Variants in SLCO6A1 observed in about 807,000 individuals in gnomAD.
The protein encoded by SLCO6A1 is solute carrier organic anion transporter family member 6A1.
In SLCO6A1, 65 loss-of-function variants were observed where a neutral mutation model predicts 72.7. The observed-to-expected ratio is 0.89, with a 90% CI of 0.73 to 1.10. SLCO6A1 has a LOEUF of 1.10. Ranked by LOEUF, SLCO6A1 falls within the 50% of genes least tolerant of loss-of-function variation. The pLI is 0.00. For missense variants in SLCO6A1, 874 were observed against 872.6 expected (o/e 1.00, Z -0.02); for synonymous variants, 314 against 298.2 (o/e 1.05, Z -0.55).
At chr5:102,434,211 A>G (rs1199428385) in intron 7 of SLCO6A1, among the ~76,000 whole-genome samples, 1 of 152,084 alleles carries the variant, frequency 6.6e-6, no homozygotes, top group Non-Finnish European at 1.5e-5. Context: ...AGCCTTGAAT[A>G]ATAAGGATAG....
chr5:102,414,556 A>G (rs1335735249), intron 8 of SLCO6A1, among the ~76,000 whole-genome samples: 1 of 152,216 alleles, frequency 6.6e-6, no homozygotes, highest in East Asian at 1.9e-4. Context: ...GAAAATTAAC[A>G]TACAAAATTA....
intron 4 of SLCO6A1, among the ~76,000 whole-genome samples, chr5:102,463,210 A>G (rs1751132258): frequency 6.6e-6 from 1 of 152,224 alleles, no homozygotes; most frequent in Admixed American, 6.5e-5. Flanking sequence ...AGTTAAAACC[A>G]CAATGAGATA....
chr5:102,488,314 G>C (rs769253079), intron 1 of SLCO6A1, among the ~76,000 whole-genome samples: 3 of 152,096 alleles, frequency 2.0e-5, no homozygotes, highest in Non-Finnish European at 4.4e-5. Flanking sequence ...TATCAGGTGA[G>C]CAAAAATCAG....
rs565070094 is a variant in SLCO6A1, at chr5:102,459,978, T to C, written c.900-201A>G. On this transcript the variant is annotated intron_variant, in intron 4 of 13. Transcript: ENST00000506729. ...TTGTGAGTCCCCAATTATGTGCTTG[T>C]TTTGTCTTACAGGATTCTAATATTT... Among the ~76,000 whole-genome samples, 7 of 152,302 alleles carry C rather than the reference T, an allele frequency of 4.6e-5. No homozygotes were observed. The East Asian group carries it at 1.4e-3, about 29-fold the overall frequency.
rs969407280 is a variant in SLCO6A1 at position 102,425,817 on chromosome 5, C to T, written c.1277-5796G>A. On this transcript the variant is annotated intron_variant, in intron 7 of 13. Transcript: ENST00000506729. The stretch of plus-strand genomic sequence containing the variant: ...AAAGAGCCCATACAGCCAAGACAAT[C>T]CTAAGCCAAATGAACAAAGCTGGAA... Among the ~76,000 whole-genome samples the T allele has an allele frequency of 2.7e-4, 30 of 109,880 alleles. 1 individual carries two copies. In the Middle Eastern group the frequency reaches 0.018, roughly 67 times the overall value. 72.1% of individuals were successfully genotyped at this position (109,880 alleles called of 152,430 possible).
At chr5:102,472,640 T>C (rs1217217826) in intron 4 of SLCO6A1, among the ~76,000 whole-genome samples, 1 of 151,892 alleles carries the variant, frequency 6.6e-6, no homozygotes, top group African/African-American at 2.4e-5. Context: ...AGAAATACTG[T>C]AAATGAAATA....
intron 1 of SLCO6A1, among the ~76,000 whole-genome samples, chr5:102,487,890 C>T (rs1752511748): frequency 6.6e-6 from 1 of 152,194 alleles, no homozygotes; most frequent in African/African-American, 2.4e-5. Flanking sequence ...TTGTGTTCAG[C>T]ACACAAATTT....
Position 102,487,763 on chromosome 5 carries a change from C to T in SLCO6A1, c.359-7329G>A, listed in dbSNP as rs571131930. Among the ~76,000 whole-genome samples the T allele has an allele frequency of 6.6e-5, 10 of 152,304 alleles. No homozygotes were observed. The South Asian group carries it at 2.1e-3, about 32-fold the overall frequency. ...AGATTACTTCATTTTTCAAGAAATG[C>T]ACATCACACTGTCCCTGAAAGGAAT... On this transcript the variant is annotated intron_variant, in intron 1 of 13. Transcript: ENST00000506729.
intron 4 of SLCO6A1, among the ~76,000 whole-genome samples, chr5:102,467,202 T>C (rs1751355300): frequency 6.6e-6 from 1 of 151,848 alleles, no homozygotes; most frequent in Non-Finnish European, 1.5e-5. Context: ...TATTGTGATT[T>C]TTACATATGA....
At chr5:102,397,447 C>T (rs1747149505) in intron 10 of SLCO6A1, among the ~76,000 whole-genome samples, 6 of 152,164 alleles carry the variant, frequency 3.9e-5, no homozygotes, top group Admixed American at 3.9e-4. Context: ...AGAGCTTTTA[C>T]TGCCAGCCCA....
At position 102,454,681 on chromosome 5, in the gene SLCO6A1, C is replaced by G. The variant is rs115105155; in HGVS notation, c.1131+3701G>C. ...GCTTGCTTTTTTTTTTCTTTTCTGG[C>G]AGTAAACTTAAAACAAACAAAAAAA... On this transcript the variant is annotated intron_variant, in intron 6 of 13. Coordinates refer to ENST00000506729, the MANE Select transcript of SLCO6A1 (RefSeq NM_173488.5). Among the ~76,000 whole-genome samples the G allele has an allele frequency of 8.3e-3, 1,249 of 150,218 alleles. 12 individuals carry two copies. The highest frequency in any genetic ancestry group is 0.015 in the Non-Finnish European group (1,004 of 67,642).
intron 6 of SLCO6A1, among the ~76,000 whole-genome samples, chr5:102,456,796 A>G (rs540659885): frequency 3.0e-4 from 46 of 152,250 alleles, no homozygotes; most frequent in Middle Eastern, 6.8e-3. Context: ...CATTGCCAAG[A>G]CAATCCTAAG....
At chr5:102,415,328 C>A (rs1232165574) in intron 8 of SLCO6A1, among the ~76,000 whole-genome samples, 4 of 152,150 alleles carry the variant, frequency 2.6e-5, no homozygotes, top group East Asian at 1.9e-4. Flanking sequence ...CTACAGTAAC[C>A]AAAACAGCAT....
At chr5:102,469,057 C>T (rs1251654498) in intron 4 of SLCO6A1, among the ~76,000 whole-genome samples, 1 of 152,060 alleles carries the variant, frequency 6.6e-6, no homozygotes, top group East Asian at 1.9e-4. Flanking sequence ...GTTTTGCTTA[C>T]TGTAGCCTTG....
At chr5:102,420,087 T>C (rs185481857) in intron 7 of SLCO6A1, 66 bp from the exon 8 acceptor site, 5 of 1,266,766 alleles carry the variant, frequency 3.9e-6, no homozygotes, top group East Asian at 5.3e-5. Flanking sequence ...AATACATACA[T>C]TGATACAATT....
Position 102,413,073 on chromosome 5 carries a change from A to G in SLCO6A1, c.1543T>C (p.Ser515Pro). The G allele has an allele frequency of 1.3e-6, 2 of 1,580,886 alleles. No homozygotes were observed. Among genetic ancestry groups the G allele is most frequent in the Non-Finnish European group, 1.7e-6 (2 of 1,167,896 alleles). Residue 515 changes from serine (S) to proline (P), a missense_variant, in exon 9 of 14, where the codon TCT becomes CCT. By Grantham distance (74) the Ser-to-Pro change is moderately conservative. Transcript: ENST00000506729. ...TCAATATCATCTCTTCCACATATAG[A>G]AGAATAAATTGAAGATGAGCATCTA... is the stretch of plus-strand genomic sequence containing the variant. ...KCRCSSSIYS[S>P]ICGRDDIEYF...
chr5:102,382,102 C>G (rs1246636793), intron 12 of SLCO6A1, among the ~76,000 whole-genome samples: 2 of 150,798 alleles, frequency 1.3e-5, no homozygotes, highest in Non-Finnish European at 1.5e-5. Flanking sequence ...TCTATTTTTG[C>G]TTTTGTTGCC....
intron 8 of SLCO6A1, among the ~76,000 whole-genome samples, chr5:102,415,481 GATGCTGGGAAAATTGGATTGTTATGT>G (rs1244062389): frequency 6.6e-6 from 1 of 152,088 alleles, no homozygotes; most frequent in East Asian, 1.9e-4. Flanking sequence ...TTCAATATAT[GATGCTGGGAAAATTGGATTGTTATGT>G]ATAAGAGAAT....
At chr5:102,387,426 A>G (rs1746476744) in intron 12 of SLCO6A1, among the ~76,000 whole-genome samples, 1 of 152,228 alleles carries the variant, frequency 6.6e-6, no homozygotes, top group Admixed American at 6.5e-5. Context: ...ACAGGTAACC[A>G]TGTTACAATT....
Sources: gnomAD v4.1 joint callset for allele counts (sites outside exome capture counted in the v4.1 genomes callset) on GRCh38, gnomAD v4.1.1 for gene constraint, MANE v1.5 for transcripts, NCBI Gene and HGNC (gene_info 2026-07-23, HGNC 2026-07-21) for gene names.